SIK3: variants seen among roughly 807,000 people sequenced by gnomAD.
The protein encoded by SIK3 is SIK family kinase 3.
A neutral mutation model predicts 144.2 loss-of-function variants in SIK3; 28 were observed. That is an observed-to-expected ratio of 0.19 (90% CI 0.14 to 0.27). SIK3 has a LOEUF of 0.27. Ranked by LOEUF, SIK3 falls within the 10% of genes least tolerant of loss-of-function variation. The probability of loss-of-function intolerance (pLI) is 1.00; values close to 1 mark genes in which losing one functional copy is unlikely to be tolerated. For missense variants in SIK3, 1,319 were observed against 1,776.0 expected, an observed-to-expected ratio of 0.74 and a Z score of 4.62; for synonymous variants, 686 against 676.3, an observed-to-expected ratio of 1.01 and a Z score of -0.22.
intron 1 of SIK3, among the ~76,000 whole-genome samples, chr11:117,086,563 C>T (rs962597872): frequency 3.3e-5 from 5 of 151,578 alleles, no homozygotes; most frequent in Non-Finnish European, 7.4e-5. Flanking sequence ...TGGTGGTGGG[C>T]GCCCGTAGTC....
chr11:117,060,594 T>C (rs1171777327), intron 1 of SIK3, among the ~76,000 whole-genome samples: 4 of 117,838 alleles, frequency 3.4e-5, no homozygotes, highest in Admixed American at 1.8e-4. Flanking sequence ...CAAAACTCCA[T>C]CTCAAAAAAA....
intron 1 of SIK3, among the ~76,000 whole-genome samples, chr11:116,963,473 G>C (rs1380296595): frequency 6.6e-6 from 1 of 152,192 alleles, no homozygotes; most frequent in South Asian, 2.1e-4. Flanking sequence ...TTGGTCATCA[G>C]AGCAATTGCA....
rs1943472708 is a variant in SIK3, at chr11:116,863,678, T to C, written c.2093A>G (p.Gln698Arg). The change falls in exon 16 of 25, where the codon CAG (glutamine) becomes CGG (arginine). Residue 698 changes from glutamine to arginine, a missense_variant. Gln to Arg is a conservative substitution (Grantham distance 43). Transcript: ENST00000445177. ...CACCTCTTCCATTACCTGCTGCAGC[T>C]GTTTGATGCTGCTGTTGTTGCCCAT... ...EKMGNNSSIK[Q>R]LQQECEQLQK... The C allele has an allele frequency of 1.2e-6, 2 of 1,614,128 alleles. No individual in the cohort carries two copies. The highest frequency in any genetic ancestry group is 1.3e-5 in the African/African-American group (1 of 75,044).
At chr11:116,916,455 T>A (rs2135014055) in intron 4 of SIK3, among the ~76,000 whole-genome samples, 1 of 152,272 alleles carries the variant, frequency 6.6e-6, no homozygotes, top group South Asian at 2.1e-4. Flanking sequence ...GCCTAAAAAG[T>A]CAGCCTCACT....
intron 1 of SIK3, among the ~76,000 whole-genome samples, chr11:117,010,414 C>A (rs571903902): frequency 6.6e-5 from 10 of 152,236 alleles, no homozygotes; most frequent in Admixed American, 2.0e-4. Flanking sequence ...ACCGATAAGC[C>A]AGGGAGGACT....
chr11:116,930,252 C>A (rs1329231881), intron 3 of SIK3, among the ~76,000 whole-genome samples: 1 of 152,046 alleles, frequency 6.6e-6, no homozygotes, highest in Non-Finnish European at 1.5e-5. Flanking sequence ...CCATCTTATC[C>A]CCCCAACCCC....
At chr11:117,079,304 T>C (rs117929422) in intron 1 of SIK3, among the ~76,000 whole-genome samples, 4 of 152,314 alleles carry the variant, frequency 2.6e-5, no homozygotes, top group East Asian at 1.9e-4. Context: ...TAAGTATCTA[T>C]TGGAGTTTTG....
At chr11:116,848,780 T>C (rs111347414) in intron 22 of SIK3, among the ~76,000 whole-genome samples, 165 of 152,244 alleles carry the variant, frequency 1.1e-3, no homozygotes, top group African/African-American at 3.8e-3. Context: ...CTAGCCAACA[T>C]GGTAAAACCC....
chr11:116,979,779 G>A (rs1318180002), intron 1 of SIK3, among the ~76,000 whole-genome samples: 2 of 152,088 alleles, frequency 1.3e-5, no homozygotes, highest in African/African-American at 2.4e-5. Context: ...CCTGGGAGGT[G>A]GAGTTTGCAG....
At chr11:117,095,050 A>C (rs1054299170) in intron 1 of SIK3, among the ~76,000 whole-genome samples, 1 of 152,142 alleles carries the variant, frequency 6.6e-6, no homozygotes, top group East Asian at 1.9e-4. Context: ...TCATCCCAGG[A>C]TCCCACTCTA....
intron 1 of SIK3, among the ~76,000 whole-genome samples, chr11:116,999,763 C>T (rs1259030102): frequency 6.6e-6 from 1 of 152,126 alleles, no homozygotes; most frequent in African/African-American, 2.4e-5. Flanking sequence ...AACAACATTG[C>T]AGTAAATACT....
intron 1 of SIK3, among the ~76,000 whole-genome samples, chr11:117,072,487 C>T (rs1048430405): frequency 1.3e-5 from 2 of 152,182 alleles, no homozygotes; most frequent in Non-Finnish European, 2.9e-5. Flanking sequence ...AAAGTGTAAA[C>T]AGCTATTTTC....
Position 116,846,460 on chromosome 11 carries a change from G to C in SIK3, c.4046C>G (p.Thr1349Arg). The change falls in exon 24 of 25, where the codon ACA becomes AGA. Residue 1349 changes from threonine (T) to arginine (R), a missense_variant. By Grantham distance (71) the Thr-to-Arg change is moderately conservative. Around this residue, in one of 8 missense-constraint regions of SIK3, gnomAD observed 646 missense variants for 763.7 expected, o/e 0.85. Coordinates refer to ENST00000445177, the MANE Select transcript of SIK3 (RefSeq NM_001366686.3). This position sits in a 1 kb window ranked among gnomAD's most constrained non-coding sequence, Gnocchi z 4.1. ...NSSCYPSTCI[T>R]DILLSYKHPE... is the part of the protein sequence containing the mutation. ...GTGCTTGTAGCTGAGCAGAATGTCT[G>C]TAATACACGTAGATGGATAGCAAGA... The C allele has an allele frequency of 5.0e-6, 8 of 1,614,236 alleles. No individual in the cohort carries two copies. The highest frequency in any genetic ancestry group is 6.8e-6 in the Non-Finnish European group (8 of 1,180,046).
chr11:116,867,882 C>G lies in SIK3; in HGVS notation c.1952+64G>C, dbSNP rs1943733894. ...GATGCTAGTCACCGTCGCTGTGAGA[C>G]TAATCAGAAGGGTGCCTGTCCGATG... On this transcript the variant is annotated intron_variant, in intron 15 of 24. Coordinates refer to ENST00000445177, the MANE Select transcript of SIK3 (RefSeq NM_001366686.3). The surrounding 1 kb of genome is among the most constrained non-coding windows in gnomAD (Gnocchi z 4.1). The G allele has an allele frequency of 7.0e-7, 1 of 1,433,900 alleles. No homozygotes were observed. Among genetic ancestry groups the G allele is most frequent in the Non-Finnish European group, 9.2e-7 (1 of 1,084,566 alleles). The allele number at this position is 1,433,900 out of a possible 1,614,324, so 88.8% of individuals were successfully genotyped here.
intron 4 of SIK3, among the ~76,000 whole-genome samples, chr11:116,924,678 A>C (rs1282944548): frequency 6.6e-6 from 1 of 152,148 alleles, no homozygotes; most frequent in Non-Finnish European, 1.5e-5. Flanking sequence ...AGATGACCCC[A>C]GTCTTCCCTC....
intron 1 of SIK3, among the ~76,000 whole-genome samples, chr11:117,041,674 G>A (rs927114594): frequency 6.6e-6 from 1 of 152,062 alleles, no homozygotes; most frequent in African/African-American, 2.4e-5. Flanking sequence ...AGACTACTCT[G>A]GAAGTCTAAT....
At chr11:117,042,932 T>C (rs1383128916) in intron 1 of SIK3, among the ~76,000 whole-genome samples, 1 of 152,190 alleles carries the variant, frequency 6.6e-6, no homozygotes, top group African/African-American at 2.4e-5. Context: ...GCTGCCACAG[T>C]GAAAGATTAT....
chr11:117,090,064 C>A (rs1955176534), intron 1 of SIK3, among the ~76,000 whole-genome samples: 1 of 152,216 alleles, frequency 6.6e-6, no homozygotes, highest in African/African-American at 2.4e-5. Flanking sequence ...CAAAAGAAGT[C>A]TTTCAAGCTA....
At position 116,846,407 on chromosome 11, in the gene SIK3, C is replaced by T; in HGVS notation, c.4099G>A (p.Ala1367Thr). The T allele has an allele frequency of 1.2e-6, 2 of 1,614,126 alleles. No individual in the cohort carries two copies. The highest frequency in any genetic ancestry group is 4.5e-5 in the East Asian group (2 of 44,874). ...HPEVSFSMEQ[A>T]GV ...CTCTCTGTTTCTTGTTACACGCCTGCCTGCTCCATGCTGAAGGAGACTTCG... is the reference window on the plus strand; with the variant it reads ...CTCTCTGTTTCTTGTTACACGCCTGTCTGCTCCATGCTGAAGGAGACTTCG... Residue 1367 changes from alanine to threonine, a missense_variant, in exon 24 of 25, where the codon GCA becomes ACA. Around this residue, in one of 8 missense-constraint regions of SIK3, gnomAD observed 646 missense variants for 763.7 expected, o/e 0.85. Coordinates refer to ENST00000445177, the MANE Select transcript of SIK3 (RefSeq NM_001366686.3). The surrounding 1 kb of genome is among the most constrained non-coding windows in gnomAD (Gnocchi z 4.1).
Sources: gnomAD v4.1 joint callset for allele counts (sites outside exome capture counted in the v4.1 genomes callset) on GRCh38, gnomAD v4.1.1 for gene constraint, gnomAD v4.1.1 regional missense constraint, Gnocchi (gnomAD v3.1) non-coding constraint, MANE v1.5 for transcripts, NCBI Gene and HGNC (gene_info 2026-07-23, HGNC 2026-07-21) for gene names.